Variants in MYOZ2 observed in about 807,000 individuals in gnomAD.
The protein encoded by MYOZ2 is myozenin 2, also known as myozenin-2.
MYOZ2 carries 19 observed loss-of-function variants against 25.4 expected under a neutral mutation model. That is an observed-to-expected ratio of 0.75 (90% CI 0.52 to 1.10). The LOEUF (loss-of-function observed/expected upper bound fraction) is 1.10, where lower values mean the gene tolerates loss of function less well. MYOZ2 is among the 50% of genes least tolerant of loss of function. The probability of loss-of-function intolerance (pLI) is 0.00; values close to 1 mark genes in which losing one functional copy is unlikely to be tolerated. For synonymous variants in MYOZ2, 92 were observed against 106.9 expected (o/e 0.86, Z 0.86); for missense variants, 270 against 317.9 (o/e 0.85, Z 1.15).
chr4:119,183,883 C>T (rs1025442283), intron 5 of MYOZ2, among the ~76,000 whole-genome samples: 5 of 149,272 alleles, frequency 3.3e-5, no homozygotes, highest in African/African-American at 9.8e-5. Context: ...GGCACGATCT[C>T]GGCTCACTGA....
At chr4:119,174,680 G>T (rs1471979143) in intron 5 of MYOZ2, among the ~76,000 whole-genome samples, 2 of 152,168 alleles carry the variant, frequency 1.3e-5, no homozygotes, top group African/African-American at 4.8e-5. Flanking sequence ...CTACCAATCA[G>T]CAGGATGTGG....
chr4:119,158,088 C>A lies in MYOZ2; in HGVS notation c.313C>A (p.Pro105Thr). 5 of 1,613,896 alleles carry A rather than the reference C, an allele frequency of 3.1e-6. No individual in the cohort carries two copies. The South Asian group carries it at 5.5e-5, about 18-fold the overall frequency. ...SNLEGGSQQA[P>T]LTPPNTPDPR... ...CTTGGAAGGTGGTTCGCAGCAAGCC[C>A]CCTTGACTCCTCCCAACACCCCAGA... The change falls in exon 4 of 6, where the codon CCC becomes ACC. Residue 105 changes from proline (P) to threonine (T), a missense_variant. Transcript: ENST00000307128.
At chr4:119,175,089 G>A (rs1020520509) in intron 5 of MYOZ2, among the ~76,000 whole-genome samples, 3 of 152,008 alleles carry the variant, frequency 2.0e-5, no homozygotes, top group African/African-American at 4.8e-5. Flanking sequence ...AACACTCACC[G>A]AGAGGGTCCG....
chr4:119,166,653 T>C (rs10034453), intron 5 of MYOZ2, among the ~76,000 whole-genome samples: 100,753 of 152,076 alleles, frequency 0.66, 34,401 homozygotes, highest in East Asian at 0.77. Context: ...TTACTCTTCT[T>C]GGCAGATACT....
At chr4:119,176,906 G>A (rs1376224187) in intron 5 of MYOZ2, among the ~76,000 whole-genome samples, 2 of 152,140 alleles carry the variant, frequency 1.3e-5, no homozygotes, top group East Asian at 1.9e-4. Context: ...GTAAGTTTAG[G>A]TTGTGCTCTA....
intron 5 of MYOZ2, among the ~76,000 whole-genome samples, chr4:119,174,975 C>T (rs1432564918): frequency 6.6e-6 from 1 of 152,086 alleles, no homozygotes; most frequent in African/African-American, 2.4e-5. Context: ...TCTGCAGCTT[C>T]ACTCCTGAGC....
chr4:119,166,501 C>T (rs1331809086), intron 5 of MYOZ2, among the ~76,000 whole-genome samples: 1 of 138,202 alleles, frequency 7.2e-6, no homozygotes, highest in East Asian at 2.0e-4. Flanking sequence ...GGGAGAGAGA[C>T]CCTGTCTCAA....
intron 3 of MYOZ2, among the ~76,000 whole-genome samples, chr4:119,151,664 A>G (rs1741452542): frequency 6.6e-6 from 1 of 152,230 alleles, no homozygotes; most frequent in South Asian, 2.1e-4. Flanking sequence ...CTGTCATTTA[A>G]AGAGACTGTA....
At chr4:119,140,299 T>C (rs1323719863) in intron 2 of MYOZ2, among the ~76,000 whole-genome samples, 1 of 152,216 alleles carries the variant, frequency 6.6e-6, no homozygotes, top group Non-Finnish European at 1.5e-5. Context: ...ACTTCTCTTG[T>C]AGGAGTGTAT....
intron 5 of MYOZ2, among the ~76,000 whole-genome samples, chr4:119,168,881 G>A (rs1247294008): frequency 6.6e-6 from 1 of 152,166 alleles, no homozygotes; most frequent in African/African-American, 2.4e-5. Flanking sequence ...GGATTGGAGA[G>A]GATTGACTCC....
chr4:119,163,777 G>A (rs868100460), intron 4 of MYOZ2, among the ~76,000 whole-genome samples: 1 of 142,620 alleles, frequency 7.0e-6, no homozygotes, highest in South Asian at 2.3e-4. Context: ...ATCAGCTCTG[G>A]GAGGAGGGAG....
At chr4:119,170,806 T>A (rs571358176) in intron 5 of MYOZ2, among the ~76,000 whole-genome samples, 9 of 152,108 alleles carry the variant, frequency 5.9e-5, no homozygotes, top group African/African-American at 1.9e-4. Context: ...ACAAAAGACA[T>A]CAAGCTTCAA....
chr4:119,153,516 T>C (rs534970293), intron 3 of MYOZ2, among the ~76,000 whole-genome samples: 1 of 152,242 alleles, frequency 6.6e-6, no homozygotes, highest in South Asian at 2.1e-4. Context: ...ATATGATTTT[T>C]ATACCACATT....
chr4:119,177,014 T>TTG (rs2149228772), intron 5 of MYOZ2, among the ~76,000 whole-genome samples: 1 of 152,298 alleles, frequency 6.6e-6, no homozygotes, highest in African/African-American at 2.4e-5. Flanking sequence ...TGAGCCGAGA[T>TTG]TGTGCCATTG....
intron 3 of MYOZ2, among the ~76,000 whole-genome samples, chr4:119,157,158 A>G (rs1741592788): frequency 6.6e-6 from 1 of 152,208 alleles, no homozygotes; most frequent in South Asian, 2.1e-4. Context: ...TCTAATTGCT[A>G]TGCTTTTTAC....
chr4:119,136,019 G>T (rs745657219), intron 1 of MYOZ2, 37 bp downstream of exon 1: 32 of 162,354 alleles, frequency 2.0e-4, no homozygotes, highest in Non-Finnish European at 3.5e-4. Flanking sequence ...TCATTAGTCA[G>T]TTGTCCAAGG....
At chr4:119,152,305 C>T (rs549705633) in intron 3 of MYOZ2, among the ~76,000 whole-genome samples, 14 of 152,056 alleles carry the variant, frequency 9.2e-5, no homozygotes, top group African/African-American at 2.9e-4. Flanking sequence ...TAATCCCTAC[C>T]CCATCTGCTG....
intron 5 of MYOZ2, among the ~76,000 whole-genome samples, chr4:119,184,130 T>C (rs1333325956): frequency 1.3e-5 from 2 of 152,166 alleles, no homozygotes; most frequent in African/African-American, 4.8e-5. Flanking sequence ...TTATAATCTG[T>C]TCACACAGCA....
intron 2 of MYOZ2, among the ~76,000 whole-genome samples, chr4:119,150,039 G>C (rs79573939): frequency 6.6e-6 from 1 of 152,000 alleles, no homozygotes; most frequent in African/African-American, 2.4e-5. Context: ...AGACTCTGTG[G>C]GTATTACAGA....
Sources: gnomAD v4.1 joint callset for allele counts (sites outside exome capture counted in the v4.1 genomes callset) on GRCh38, gnomAD v4.1.1 for gene constraint, MANE v1.5 for transcripts, NCBI Gene and HGNC (gene_info 2026-07-23, HGNC 2026-07-21) for gene names.